The following VPS13D variants were observed in gnomAD, a reference collection of about 807,000 sequenced individuals.
VPS13D encodes vacuolar protein sorting 13 homolog D, also known as intermembrane lipid transfer protein VPS13D.
In VPS13D, 187 loss-of-function variants were observed where a neutral mutation model predicts 461.9. That is an observed-to-expected ratio of 0.40 (90% CI 0.36 to 0.46). The LOEUF (loss-of-function observed/expected upper bound fraction) is 0.46, where lower values mean the gene tolerates loss of function less well. VPS13D is among the 20% of genes least tolerant of loss of function. The pLI is 0.60. For synonymous variants in VPS13D, 1,951 were observed against 1,986.3 expected (o/e 0.98, Z 0.47); for missense variants, 4,711 against 5,364.9 (o/e 0.88, Z 3.81).
intron 60 of VPS13D, among the ~76,000 whole-genome samples, chr1:12,393,319 T>C (rs1221179316): frequency 2.0e-5 from 3 of 152,144 alleles, no homozygotes; most frequent in African/African-American, 4.8e-5. Flanking sequence ...ACCTGGAGAG[T>C]TGATATACCC....
chr1:12,253,958 ACTCT>A, intron 7 of VPS13D, 132 bp downstream of exon 7: 1 of 679,326 alleles, frequency 1.5e-6, no homozygotes, highest in South Asian at 1.8e-5. Flanking sequence ...AAAGCCATTC[ACTCT>A]CAAGTGTGTT....
intron 62 of VPS13D, among the ~76,000 whole-genome samples, chr1:12,403,322 G>A (rs1192331366): frequency 6.6e-6 from 1 of 152,194 alleles, no homozygotes; most frequent in African/African-American, 2.4e-5. Flanking sequence ...GGGAGACAGG[G>A]CGCTGCTTGT....
At chr1:12,471,266 A>T (rs940409477) in intron 67 of VPS13D, among the ~76,000 whole-genome samples, 1 of 152,168 alleles carries the variant, frequency 6.6e-6, no homozygotes, top group Non-Finnish European at 1.5e-5. Context: ...ATGCCACTGC[A>T]CTCCAGCCTG....
rs1641504543 is a variant in VPS13D at position 12,273,148 on chromosome 1, T to C, written c.2236+13T>C. On this transcript the variant is annotated intron_variant, in intron 18 of 69. Coordinates refer to ENST00000620676, the MANE Select transcript of VPS13D (RefSeq NM_015378.4). The stretch of plus-strand genomic sequence containing the variant: ...ACGAACACCCAAGGTATAGTGTGAG[T>C]GGGAAATAATGAAAACCTGCCTTGG... 1 of 1,611,038 alleles carries C rather than the reference T, an allele frequency of 6.2e-7. No individual in the cohort carries two copies. The highest frequency in any genetic ancestry group is 1.1e-5 in the South Asian group (1 of 90,546).
At chr1:12,448,025 C>T (rs1368808703) in intron 65 of VPS13D, among the ~76,000 whole-genome samples, 1 of 152,128 alleles carries the variant, frequency 6.6e-6, no homozygotes, top group African/African-American at 2.4e-5. Context: ...ATAGGATTTC[C>T]AGTAATAACC....
At chr1:12,265,943 C>T (rs1438923331) in intron 13 of VPS13D, among the ~76,000 whole-genome samples, 2 of 152,050 alleles carry the variant, frequency 1.3e-5, no homozygotes, top group African/African-American at 4.8e-5. Flanking sequence ...AGGATCATTT[C>T]AGGCCAGGAG....
chr1:12,502,805 G>T lies in VPS13D; in HGVS notation c.12795-4048G>T, dbSNP rs992053035. On this transcript the variant is annotated intron_variant, in intron 68 of 69. Coordinates refer to ENST00000620676, the MANE Select transcript of VPS13D (RefSeq NM_015378.4). The surrounding 1 kb of genome is among the most constrained non-coding windows in gnomAD (Gnocchi z 4.3). ...GATGAGAGGATGTGTGGGGAAAGGA[G>T]GGGTCATCCCCCACAGGTTTGGGGT... 2.0e-4 allele frequency among the ~76,000 whole-genome samples: 31 copies of T among 152,094 alleles called. No homozygotes were observed. Among genetic ancestry groups the T allele is most frequent in the African/African-American group, 7.2e-4 (30 of 41,404 alleles).
intron 62 of VPS13D, 133 bp from the exon 63 acceptor site, chr1:12,403,692 C>T (rs953178256): frequency 3.6e-6 from 3 of 832,298 alleles, no homozygotes; most frequent in South Asian, 2.0e-5. Context: ...ACTGTACCCT[C>T]ACAAACTAAA....
intron 34 of VPS13D, 21 bp downstream of exon 34, chr1:12,322,767 C>A (rs769116151): frequency 6.2e-7 from 1 of 1,607,822 alleles, no homozygotes; most frequent in African/African-American, 1.3e-5. Flanking sequence ...AACTATAAAA[C>A]CCACTCAGTC....
chr1:12,401,820 C>T (rs1644585551), intron 62 of VPS13D, 116 bp downstream of exon 62: 1 of 742,736 alleles, frequency 1.3e-6, no homozygotes, highest in African/African-American at 1.7e-5. Context: ...TTCCACATCT[C>T]AGCCTGAGCT....
chr1:12,234,353 A>G lies in VPS13D; in HGVS notation c.87A>G (p.Ala29=). ...TGAACACTGACCAGCTCTCAGTTGC[A>G]CTTCTCAAAGGTGAGTATTTCTCTG... ...NNLNTDQLSV[A]LLKGAVELEN... Residue 29 remains alanine (A), a synonymous_variant, in exon 2 of 70, where the codon GCA becomes GCG. Coordinates refer to ENST00000620676, the MANE Select transcript of VPS13D (RefSeq NM_015378.4). The G allele has an allele frequency of 6.2e-7, 1 of 1,613,844 alleles. No homozygotes were observed. The highest frequency in any genetic ancestry group is 1.1e-5 in the South Asian group (1 of 91,072).
chr1:12,456,775 G>A (rs554796315), intron 66 of VPS13D, among the ~76,000 whole-genome samples: 11 of 151,950 alleles, frequency 7.2e-5, no homozygotes, highest in Non-Finnish European at 5.9e-5. Flanking sequence ...CTCCTCATTC[G>A]CTTTCTGAAT....
At position 12,382,999 on chromosome 1, in the gene VPS13D, G is replaced by A. The variant is rs1055368716; in HGVS notation, c.11214G>A (p.Leu3738=). 2.5e-5 allele frequency: 41 copies of A among 1,613,902 alleles called. No homozygotes were observed. Among genetic ancestry groups the A allele is most frequent in the Non-Finnish European group, 1.0e-5 (12 of 1,179,980 alleles). ...VVQAKGGLSG[L]FDGAEVVLGP... ...AGGCCAAAGGAGGACTTTCTGGTTT[G>A]TTTGATGGAGCTGAAGTTGTTCTTG... The change falls in exon 58 of 70, where the codon TTG becomes TTA. Residue 3738 remains leucine (L), a synonymous_variant. Coordinates refer to ENST00000620676, the MANE Select transcript of VPS13D (RefSeq NM_015378.4).
Position 12,278,004 on chromosome 1 carries a change from A to G in VPS13D, c.4416A>G (p.Arg1472=), listed in dbSNP as rs1370920671. The G allele has an allele frequency of 3.7e-6, 6 of 1,613,944 alleles. No individual in the cohort carries two copies. The South Asian group carries it at 5.5e-5, about 15-fold the overall frequency. The change falls in exon 19 of 70, where the codon CGA becomes CGG. Residue 1472 remains arginine, a synonymous_variant. Coordinates refer to ENST00000620676, the MANE Select transcript of VPS13D (RefSeq NM_015378.4). ...ANSQEEAHFT[R]HDFFESLHRG... is the part of the protein sequence containing the mutation. Reference sequence around the variant, plus strand: ...GTCAGGAGGAAGCTCATTTCACACGACATGATTTCTTTGAATCTTTGCATA... The same window carrying G: ...GTCAGGAGGAAGCTCATTTCACACGGCATGATTTCTTTGAATCTTTGCATA...
intron 67 of VPS13D, among the ~76,000 whole-genome samples, chr1:12,470,901 T>G (rs1645554760): frequency 6.6e-6 from 1 of 152,236 alleles, no homozygotes; most frequent in Non-Finnish European, 1.5e-5. Context: ...CAAATAGTTA[T>G]AGTTTTACTA....
Position 12,283,469 on chromosome 1 carries a change from ATTC to A in VPS13D, c.5370_5372del (p.Phe1790del). The A allele has an allele frequency of 5.6e-6, 9 of 1,614,256 alleles. No individual in the cohort carries two copies. Among genetic ancestry groups the A allele is most frequent in the Non-Finnish European group, 7.6e-6 (9 of 1,180,040 alleles). ...ATGATTCCTTAGTCCACATCAACAT[ATTC>A]TTGGTAGATAAGAAACATCCAGAAT... On this transcript the variant is annotated inframe_deletion, in exon 21 of 70. Coordinates refer to ENST00000620676, the MANE Select transcript of VPS13D (RefSeq NM_015378.4).
At chr1:12,453,366 G>T (rs998812472) in intron 65 of VPS13D, among the ~76,000 whole-genome samples, 1 of 152,110 alleles carries the variant, frequency 6.6e-6, no homozygotes, top group Non-Finnish European at 1.5e-5. Context: ...CCAAGAAAGA[G>T]AATGTAAGCT....
intron 65 of VPS13D, among the ~76,000 whole-genome samples, chr1:12,417,411 CT>C (rs1344351995): frequency 6.6e-6 from 1 of 152,140 alleles, no homozygotes; most frequent in Non-Finnish European, 1.5e-5. Context: ...ATATGCGAAG[CT>C]GGAAAAGGTG....
At chr1:12,305,702 T>C (rs1642541598) in intron 26 of VPS13D, among the ~76,000 whole-genome samples, 1 of 152,158 alleles carries the variant, frequency 6.6e-6, no homozygotes, top group South Asian at 2.1e-4. Flanking sequence ...ATCAGTCCAG[T>C]GTGATGAGAC....
Sources: gnomAD v4.1 joint callset for allele counts (sites outside exome capture counted in the v4.1 genomes callset) on GRCh38, gnomAD v4.1.1 for gene constraint, Gnocchi (gnomAD v3.1) non-coding constraint, MANE v1.5 for transcripts, NCBI Gene and HGNC (gene_info 2026-07-23, HGNC 2026-07-21) for gene names.